Variants in LRRIQ1 observed in about 807,000 individuals in gnomAD.
The protein encoded by LRRIQ1 is leucine-rich repeat- and IQ domain-containing protein 1.
In LRRIQ1, 210 loss-of-function variants were observed where a neutral mutation model predicts 211.9. The observed-to-expected ratio is 0.99, with a 90% confidence interval of 0.89 to 1.11. The LOEUF is 1.11. LRRIQ1 is among the 50% of genes most tolerant of loss of function. The pLI, the probability that LRRIQ1 is intolerant of heterozygous loss-of-function variation, is 0.00. For synonymous variants in LRRIQ1, 699 were observed against 650.1 expected (o/e 1.08, Z -1.14); for missense variants, 2,136 against 1,939.5 (o/e 1.10, Z -1.90).
At chr12:85,189,429 A>G (rs1892382586) in intron 24 of LRRIQ1, among the ~76,000 whole-genome samples, 1 of 152,134 alleles carries the variant, frequency 6.6e-6, no homozygotes, top group Non-Finnish European at 1.5e-5. Flanking sequence ...AATGGAAAAG[A>G]CAATACAAGT....
intron 24 of LRRIQ1, among the ~76,000 whole-genome samples, chr12:85,210,418 G>T (rs576384580): frequency 3.3e-5 from 5 of 152,300 alleles, no homozygotes; most frequent in African/African-American, 1.2e-4. Flanking sequence ...TGTTTTTGAT[G>T]TAAAGATAGT....
intron 11 of LRRIQ1, among the ~76,000 whole-genome samples, chr12:85,080,646 G>A (rs1039655206): frequency 6.8e-6 from 1 of 147,316 alleles, no homozygotes; most frequent in Admixed American, 6.8e-5. Flanking sequence ...AGTTGTTGTA[G>A]TTTTTGGTTT....
At chr12:85,165,522 A>G (rs144463467) in intron 24 of LRRIQ1, among the ~76,000 whole-genome samples, 3,948 of 137,644 alleles carry the variant, frequency 0.029, 180 homozygotes, top group African/African-American at 0.1. Flanking sequence ...ACCCAGGCTC[A>G]AGTGCAGTGA....
chr12:85,221,285 A>G (rs1028366382), intron 24 of LRRIQ1, among the ~76,000 whole-genome samples: 1 of 152,140 alleles, frequency 6.6e-6, no homozygotes, highest in Non-Finnish European at 1.5e-5. Flanking sequence ...TTCTAGTTCT[A>G]CTTTTCTCAG....
At chr12:85,217,056 A>G (rs1894122194) in intron 24 of LRRIQ1, among the ~76,000 whole-genome samples, 1 of 151,990 alleles carries the variant, frequency 6.6e-6, no homozygotes, top group Non-Finnish European at 1.5e-5. Flanking sequence ...TGCATAATGC[A>G]AACAGTATTT....
chr12:85,104,975 G>T (rs910457912), intron 14 of LRRIQ1, among the ~76,000 whole-genome samples: 3 of 151,994 alleles, frequency 2.0e-5, no homozygotes, highest in African/African-American at 7.2e-5. Context: ...TGTGGTTTTA[G>T]TTTGCATTGA....
chr12:85,049,926 C>T (rs894585803), intron 6 of LRRIQ1, among the ~76,000 whole-genome samples: 12 of 152,172 alleles, frequency 7.9e-5, no homozygotes, highest in Non-Finnish European at 1.6e-4. Flanking sequence ...TTGATTCTGT[C>T]ACATCTTTGG....
At chr12:85,239,579 A>G (rs897225636) in intron 26 of LRRIQ1, among the ~76,000 whole-genome samples, 14 of 152,126 alleles carry the variant, frequency 9.2e-5, no homozygotes, top group African/African-American at 3.1e-4. Context: ...GTGCTGGACA[A>G]CTAGATAACT....
intron 24 of LRRIQ1, among the ~76,000 whole-genome samples, chr12:85,192,419 C>A (rs1245692752): frequency 7.9e-6 from 1 of 126,598 alleles, no homozygotes; most frequent in Non-Finnish European, 1.6e-5. Flanking sequence ...TAATTATATA[C>A]ATTTATATAT....
At chr12:85,038,943 G>A (rs1406507819) in intron 2 of LRRIQ1, among the ~76,000 whole-genome samples, 2 of 151,084 alleles carry the variant, frequency 1.3e-5, no homozygotes, top group East Asian at 3.9e-4. Flanking sequence ...AATATTGAGT[G>A]GACCAAATTC....
Position 85,041,127 on chromosome 12 carries a change from A to G in LRRIQ1, c.244+526A>G, listed in dbSNP as rs567137714. Reference sequence around the variant, plus strand: ...ACCTTTTTTGTTGACTAATAAACCTATTTTTAAAAATGACAGACAAATATT... The same window carrying G: ...ACCTTTTTTGTTGACTAATAAACCTGTTTTTAAAAATGACAGACAAATATT... On this transcript the variant is annotated intron_variant, in intron 3 of 26. Coordinates refer to ENST00000393217, the MANE Select transcript of LRRIQ1 (RefSeq NM_001079910.2). Among the ~76,000 whole-genome samples, 9 of 151,844 alleles carry G rather than the reference A, an allele frequency of 5.9e-5. No homozygotes were observed. The South Asian group carries it at 1.7e-3, about 28-fold the overall frequency.
chr12:85,250,917 T>TTTATATA (rs1254365229), intron 1 of LRRIQ1, among the ~76,000 whole-genome samples: 1 of 78,546 alleles, frequency 1.3e-5, no homozygotes, highest in South Asian at 2.7e-4. Context: ...TATAATATAT[T>TTTATATA]TTATATATTA....
intron 1 of LRRIQ1, among the ~76,000 whole-genome samples, chr12:85,253,181 T>C (rs961903267): frequency 1.3e-5 from 2 of 151,930 alleles, no homozygotes; most frequent in Non-Finnish European, 1.5e-5. Context: ...GCGTCTGGGG[T>C]CTTGAGTTTT....
intron 3 of LRRIQ1, among the ~76,000 whole-genome samples, chr12:85,044,221 A>G (rs1039639701): frequency 5.9e-5 from 9 of 152,188 alleles, no homozygotes; most frequent in African/African-American, 2.2e-4. Flanking sequence ...ACATAACTAC[A>G]TCTGCACACA....
intron 1 of LRRIQ1, among the ~76,000 whole-genome samples, chr12:85,256,516 T>C (rs931724899): frequency 6.6e-6 from 1 of 151,714 alleles, no homozygotes; most frequent in Non-Finnish European, 1.5e-5. Flanking sequence ...GTTATGTTTA[T>C]TGTTGCCAAA....
chr12:85,129,037 T>C lies in LRRIQ1; in HGVS notation c.4209+1004T>C, dbSNP rs558009595. ...ACAGCTGTAAGACTGAGGTTCCCAG[T>C]TTCATTCTTTCTGTTGTCCAGGAAC... On this transcript the variant is annotated intron_variant, in intron 18 of 26. Transcript: ENST00000393217. Among the ~76,000 whole-genome samples the C allele has an allele frequency of 3.9e-4, 59 of 152,250 alleles. No individual in the cohort carries two copies. The South Asian group carries it at 7.2e-3, about 19-fold the overall frequency.
chr12:85,253,067 G>A (rs1450117176), intron 1 of LRRIQ1, among the ~76,000 whole-genome samples: 3 of 151,870 alleles, frequency 2.0e-5, no homozygotes, highest in Admixed American at 1.3e-4. Context: ...AATGTCTTAC[G>A]TGAAATAGGC....
chr12:85,216,338 A>G (rs1894079911), intron 24 of LRRIQ1, among the ~76,000 whole-genome samples: 1 of 152,122 alleles, frequency 6.6e-6, no homozygotes, highest in South Asian at 2.1e-4. Context: ...TGCAAAGGAC[A>G]TGAACTTCTT....
chr12:85,044,834 AAT>A, intron 4 of LRRIQ1, 25 bp downstream of exon 4: 1 of 1,062,896 alleles, frequency 9.4e-7, no homozygotes, highest in Non-Finnish European at 1.4e-6. Flanking sequence ...TTTGACTTAA[AAT>A]ATTCACTATT....
Sources: allele counts gnomAD v4.1 joint callset (sites outside exome capture counted in the v4.1 genomes callset), GRCh38; gene constraint gnomAD v4.1.1; transcripts MANE v1.5; gene names NCBI Gene and HGNC (gene_info 2026-07-23, HGNC 2026-07-21).